The following LRRC37A2 variants were observed in gnomAD, a reference collection of about 807,000 sequenced individuals.
LRRC37A2 encodes the protein leucine-rich repeat-containing protein 37A2.
LRRC37A2 carries 9 observed loss-of-function variants against 68.8 expected under a neutral mutation model. That is an observed-to-expected ratio of 0.13 (90% CI 0.08 to 0.23). The LOEUF (loss-of-function observed/expected upper bound fraction) is 0.23. LRRC37A2 is among the 10% of genes least tolerant of loss of function. The pLI is 1.00. For synonymous variants in LRRC37A2, 63 were observed against 367.6 expected, an observed-to-expected ratio of 0.17 and a Z score of 9.48; for missense variants, 168 against 950.4, an observed-to-expected ratio of 0.18 and a Z score of 10.82.
chr17:47,005,186 T>C, the LRRC37A2 span, among the ~76,000 whole-genome samples: 4 of 152,366 alleles, frequency 2.6e-5, no homozygotes, highest in Non-Finnish European at 5.9e-5. Flanking sequence ...CTGTTTTCCT[T>C]GGAAATGTTT....
chr17:46,816,571 C>T, the LRRC37A2 span, among the ~76,000 whole-genome samples: 1 of 152,166 alleles, frequency 6.6e-6, no homozygotes. Flanking sequence ...AATTCCCAAA[C>T]AAGCCATGTG....
At chr17:46,800,067 G>A in the LRRC37A2 span, among the ~76,000 whole-genome samples, 1 of 152,118 alleles carries the variant, frequency 6.6e-6, no homozygotes, top group Non-Finnish European at 1.5e-5. Context: ...AGCCTGCTTG[G>A]GAAGGAGTCT....
At chr17:46,956,233 A>G in the LRRC37A2 span, among the ~76,000 whole-genome samples, 1 of 146,820 alleles carries the variant, frequency 6.8e-6, no homozygotes, top group African/African-American at 2.5e-5. Context: ...CCTCTGGGGT[A>G]GAAATCTCTA....
At chr17:47,006,615 TAAA>T in the LRRC37A2 span, among the ~76,000 whole-genome samples, 9 of 152,002 alleles carry the variant, frequency 5.9e-5, no homozygotes, top group Admixed American at 5.9e-4. Flanking sequence ...CTGTCTCAAA[TAAA>T]TAAATAAAGG....
At chr17:46,541,169 T>C (rs1428778368) in intron 8 of LRRC37A2, among the ~76,000 whole-genome samples, 1 of 142,802 alleles carries the variant, frequency 7.0e-6, no homozygotes, top group South Asian at 2.1e-4. Context: ...TCTGTTCCTA[T>C]ACTTTTGCCT....
chr17:46,687,631 A>G, the LRRC37A2 span, among the ~76,000 whole-genome samples: 7 of 151,652 alleles, frequency 4.6e-5, no homozygotes, highest in Admixed American at 1.3e-4. Context: ...TTCCAAGTGC[A>G]TACTCCTTTT....
chr17:46,873,251 G>A, the LRRC37A2 span, among the ~76,000 whole-genome samples: 145 of 151,986 alleles, frequency 9.5e-4, no homozygotes, highest in Middle Eastern at 0.014. Context: ...CACATCCATC[G>A]ATCCATCAGT....
At chr17:46,551,599 A>G (rs1474960619) in intron 11 of LRRC37A2, among the ~76,000 whole-genome samples, 3 of 149,732 alleles carry the variant, frequency 2.0e-5, no homozygotes, top group Non-Finnish European at 2.9e-5. Flanking sequence ...CCTTCCCTGA[A>G]TATTCCAGCC....
At chr17:46,872,755 A>T in the LRRC37A2 span, 1 of 1,517,592 alleles carries the variant, frequency 6.6e-7, no homozygotes, top group South Asian at 1.1e-5. Flanking sequence ...GGAGGGCAGG[A>T]TGGGCCTGCT....
chr17:46,901,451 A>C, the LRRC37A2 span, among the ~76,000 whole-genome samples: 1 of 152,074 alleles, frequency 6.6e-6, no homozygotes. Context: ...ATGAGCCACC[A>C]CGCCCAGCCC....
the LRRC37A2 span, among the ~76,000 whole-genome samples, chr17:47,001,717 C>CTTTTTTTT: frequency 5.4e-4 from 59 of 108,600 alleles, no homozygotes; most frequent in Non-Finnish European, 8.8e-4. Flanking sequence ...CTCTTTTTTC[C>CTTTTTTTT]TTTTTTTTTT....
the LRRC37A2 span, among the ~76,000 whole-genome samples, chr17:46,895,888 G>T: frequency 6.6e-6 from 1 of 152,146 alleles, no homozygotes; most frequent in African/African-American, 2.4e-5. Context: ...TGGGAGCAGG[G>T]CCTGATCTGA....
chr17:46,714,483 C>T, the LRRC37A2 span, among the ~76,000 whole-genome samples: 1 of 152,186 alleles, frequency 6.6e-6, no homozygotes, highest in Non-Finnish European at 1.5e-5. Flanking sequence ...TCTCATACAT[C>T]TTCCTTTCTC....
the LRRC37A2 span, among the ~76,000 whole-genome samples, chr17:46,904,817 C>G: frequency 3.3e-5 from 5 of 152,174 alleles, no homozygotes; most frequent in African/African-American, 2.4e-5. Flanking sequence ...GGAAACTTTC[C>G]CAACAAAGGC....
the LRRC37A2 span, among the ~76,000 whole-genome samples, chr17:46,860,325 A>C: frequency 0.019 from 2,865 of 152,272 alleles, 32 homozygotes; most frequent in Middle Eastern, 0.054. Flanking sequence ...TTATGTGCTC[A>C]GGTGGAAGTT....
the LRRC37A2 span, among the ~76,000 whole-genome samples, chr17:46,866,593 A>T: frequency 6.6e-6 from 1 of 152,082 alleles, no homozygotes; most frequent in South Asian, 2.1e-4. Flanking sequence ...GAAGCCTGTT[A>T]TCAGGAGCAT....
the LRRC37A2 span, among the ~76,000 whole-genome samples, chr17:46,915,752 G>A: frequency 0.32 from 48,898 of 152,196 alleles, 8,869 homozygotes; most frequent in South Asian, 0.48. Flanking sequence ...TTGGCCAAAT[G>A]CCCTGAGGCG....
At chr17:46,985,927 C>T in the LRRC37A2 span, among the ~76,000 whole-genome samples, 2 of 152,184 alleles carry the variant, frequency 1.3e-5, no homozygotes, top group African/African-American at 4.8e-5. Context: ...CCTCGTCTAC[C>T]CCAAAAGTAC....
chr17:46,657,736 TG>T, the LRRC37A2 span, among the ~76,000 whole-genome samples: 1 of 87,312 alleles, frequency 1.1e-5, no homozygotes, highest in African/African-American at 4.9e-5. Context: ...TTTTTAATAT[TG>T]AGGTATTTGT....
Sources: gnomAD v4.1 joint callset for allele counts (sites outside exome capture counted in the v4.1 genomes callset) on GRCh38, gnomAD v4.1.1 for gene constraint, MANE v1.5 for transcripts, NCBI Gene and HGNC (gene_info 2026-07-23, HGNC 2026-07-21) for gene names.